The following SGTB variants were observed in gnomAD, a reference collection of about 807,000 sequenced individuals.
SGTB encodes small glutamine rich tetratricopeptide repeat co-chaperone beta.
SGTB carries 19 observed loss-of-function variants against 43.9 expected under a neutral mutation model. The ratio of observed to expected loss-of-function variants is 0.43; its 90% confidence interval spans 0.30 to 0.63. The LOEUF (loss-of-function observed/expected upper bound fraction) is 0.63, where lower values mean the gene tolerates loss of function less well. SGTB is among the 30% of genes least tolerant of loss of function. The probability of loss-of-function intolerance (pLI) is 0.12; values close to 1 mark genes in which losing one functional copy is unlikely to be tolerated. For missense variants in SGTB, 304 were observed against 358.9 expected (o/e 0.85, Z 1.24); for synonymous variants, 116 against 117.3 (o/e 0.99, Z 0.07).
intron 5 of SGTB, 74 bp from the exon 6 acceptor site, chr5:65,685,546 T>C: frequency 8.2e-7 from 1 of 1,215,152 alleles, no homozygotes; most frequent in Non-Finnish European, 1.2e-6. Flanking sequence ...GTACTAATAA[T>C]ACTACCTTTT....
chr5:65,671,804 A>G lies in SGTB; in HGVS notation c.803+111T>C, dbSNP rs934485097. 3 of 961,260 alleles carry G rather than the reference A, an allele frequency of 3.1e-6. No individual in the cohort carries two copies. In the African/African-American group the frequency reaches 5.0e-5, roughly 16 times the overall value. 59.5% of individuals were successfully genotyped at this position (961,260 alleles called of 1,614,324 possible). Reference sequence around the variant, plus strand: ...TAGTAACATTAAGGAGGCTAAAGTTACTAACGGTAAAAGATAAACATTTAA... The same window carrying G: ...TAGTAACATTAAGGAGGCTAAAGTTGCTAACGGTAAAAGATAAACATTTAA... On this transcript the variant is annotated intron_variant, in intron 10 of 10. Transcript: ENST00000381007.
chr5:65,667,036 G>A lies in SGTB; in HGVS notation c.*3210C>T, dbSNP rs184557585. On this transcript the variant is annotated 3_prime_UTR_variant, in exon 11 of 11. Coordinates refer to ENST00000381007, the MANE Select transcript of SGTB (RefSeq NM_019072.3). ...AAAATTCATCACGGAAGTTATCTGG[G>A]CCTGTAGTTTTCTTTACTGGAAGGT... 6.4e-4 allele frequency: 98 copies of A among 152,232 alleles called. No individual in the cohort carries two copies. Among genetic ancestry groups the A allele is most frequent in the African/African-American group, 2.0e-3 (83 of 41,542 alleles). The allele number at this position is 152,232 out of a possible 1,614,324, so 9.4% of individuals were successfully genotyped here.
At chr5:65,711,494 T>A (rs1399359721) in intron 3 of SGTB, among the ~76,000 whole-genome samples, 1 of 152,204 alleles carries the variant, frequency 6.6e-6, no homozygotes, top group Admixed American at 6.5e-5. Flanking sequence ...GCTTTAGCCA[T>A]AACCATATCT....
At chr5:65,679,233 T>C (rs1224719495) in intron 8 of SGTB, among the ~76,000 whole-genome samples, 2 of 152,112 alleles carry the variant, frequency 1.3e-5, no homozygotes, top group African/African-American at 2.4e-5. Context: ...AACAAACATA[T>C]GAAAAAACAG....
intron 5 of SGTB, among the ~76,000 whole-genome samples, chr5:65,701,629 AATTTTT>A (rs1319064860): frequency 7.1e-6 from 1 of 140,906 alleles, no homozygotes; most frequent in African/African-American, 2.7e-5. Context: ...ATTTAAATTA[AATTTTT>A]TTTTTTTTTT....
At chr5:65,679,017 C>A (rs1488791091) in intron 8 of SGTB, among the ~76,000 whole-genome samples, 1 of 152,124 alleles carries the variant, frequency 6.6e-6, no homozygotes, top group African/African-American at 2.4e-5. Flanking sequence ...TAAAGAGTTT[C>A]TTTTCCACAC....
rs1757067759 is a variant in SGTB at position 65,667,729 on chromosome 5, A to ACAGT, written c.*2516_*2517insACTG. ...ATTAGAGTCCTTGGATCTGTATCAA[A>ACAGT]ACCACCTAGTGTACTGTTTAAAAAT... On this transcript the variant is annotated 3_prime_UTR_variant, in exon 11 of 11. Transcript: ENST00000381007. The ACAGT allele has an allele frequency of 6.6e-6, 1 of 152,144 alleles. No homozygotes were observed. Among genetic ancestry groups the ACAGT allele is most frequent in the Admixed American group, 6.5e-5 (1 of 15,274 alleles). 9.4% of individuals were successfully genotyped at this position (152,144 alleles called of 1,614,324 possible). A position where few individuals can be genotyped will look rare whatever the true frequency, so the allele number is the denominator to read the frequency against.
intron 7 of SGTB, 37 bp downstream of exon 7, chr5:65,680,619 C>A: frequency 6.2e-7 from 1 of 1,613,806 alleles, no homozygotes; most frequent in Non-Finnish European, 8.5e-7. Flanking sequence ...TTGTGAATGA[C>A]AGAAAATACT....
chr5:65,697,153 G>A (rs2150714721), intron 5 of SGTB, among the ~76,000 whole-genome samples: 1 of 152,220 alleles, frequency 6.6e-6, no homozygotes, highest in South Asian at 2.1e-4. Context: ...AAAAACCAAA[G>A]TGATCCTAAA....
chr5:65,684,942 T>C (rs1342658203), intron 6 of SGTB, among the ~76,000 whole-genome samples: 3 of 152,184 alleles, frequency 2.0e-5, no homozygotes. Flanking sequence ...GAAAATGAGT[T>C]GTTTTCCTTC....
At chr5:65,711,430 A>G (rs1758044822) in intron 3 of SGTB, among the ~76,000 whole-genome samples, 1 of 152,202 alleles carries the variant, frequency 6.6e-6, no homozygotes, top group Non-Finnish European at 1.5e-5. Context: ...GAGTGAGAAA[A>G]TCTAAGAACT....
intron 2 of SGTB, among the ~76,000 whole-genome samples, chr5:65,715,778 T>C (rs1375300173): frequency 6.6e-6 from 1 of 152,164 alleles, no homozygotes; most frequent in Non-Finnish European, 1.5e-5. Flanking sequence ...TTGTTGTTGT[T>C]GTTGTTTTTG....
At chr5:65,720,081 CTTT>C (rs11312137) in intron 2 of SGTB, among the ~76,000 whole-genome samples, 80 of 124,954 alleles carry the variant, frequency 6.4e-4, no homozygotes, top group African/African-American at 2.2e-3. Context: ...TTTTCTTTTT[CTTT>C]TTTTTTTTTT....
chr5:65,716,790 G>A (rs1758160492), intron 2 of SGTB, among the ~76,000 whole-genome samples: 1 of 152,078 alleles, frequency 6.6e-6, no homozygotes, highest in South Asian at 2.1e-4. Context: ...TCAGAAGAAA[G>A]GTCTGGGCTG....
At chr5:65,672,100 G>C in intron 9 of SGTB, 102 bp from the exon 10 acceptor site, 1 of 1,568,628 alleles carries the variant, frequency 6.4e-7, no homozygotes, top group South Asian at 1.1e-5. Context: ...TTATACCAGA[G>C]GCTAGGCCAA....
intron 6 of SGTB, 33 bp from the exon 7 acceptor site, chr5:65,680,827 T>C: frequency 3.1e-6 from 5 of 1,598,712 alleles, no homozygotes; most frequent in Non-Finnish European, 4.3e-6. Flanking sequence ...ATATCAGATA[T>C]ATGATTAAAG....
chr5:65,721,351 T>C (rs1156235283), intron 1 of SGTB, among the ~76,000 whole-genome samples: 1 of 152,222 alleles, frequency 6.6e-6, no homozygotes, highest in Non-Finnish European at 1.5e-5. Context: ...TTAATAAAAA[T>C]GGCATTTCTA....
At chr5:65,685,529 T>C in intron 5 of SGTB, 57 bp from the exon 6 acceptor site, 1 of 1,468,002 alleles carries the variant, frequency 6.8e-7, no homozygotes, top group Non-Finnish European at 9.5e-7. Context: ...CTAATTTAGA[T>C]TTTCAGGTAC....
chr5:65,708,574 A>C lies in SGTB; in HGVS notation c.205-16T>G. ...GAACGTCATTCTGAAATTAAATAAAAATCAATGCACTTCCCTTTAGCTACA... is the reference window on the plus strand; with the variant it reads ...GAACGTCATTCTGAAATTAAATAAACATCAATGCACTTCCCTTTAGCTACA... On this transcript the variant is annotated splice_polypyrimidine_tract_variant and intron_variant, in intron 3 of 10. Coordinates refer to ENST00000381007, the MANE Select transcript of SGTB (RefSeq NM_019072.3). The C allele has an allele frequency of 1.9e-6, 3 of 1,605,972 alleles. No individual in the cohort carries two copies. Among genetic ancestry groups the C allele is most frequent in the Non-Finnish European group, 2.6e-6 (3 of 1,174,246 alleles).
Sources: gnomAD v4.1 joint callset for allele counts (sites outside exome capture counted in the v4.1 genomes callset) on GRCh38, gnomAD v4.1.1 for gene constraint, MANE v1.5 for transcripts, NCBI Gene and HGNC (gene_info 2026-07-23, HGNC 2026-07-21) for gene names.